The following SLIT3 variants were observed in gnomAD, a reference collection of about 807,000 sequenced individuals.
SLIT3 encodes slit guidance ligand 3.
In SLIT3, 68 loss-of-function variants were observed where a neutral mutation model predicts 184.0. The ratio of observed to expected loss-of-function variants is 0.37; its 90% CI spans 0.30 to 0.45. The LOEUF (loss-of-function observed/expected upper bound fraction) is 0.45, where lower values mean the gene tolerates loss of function less well. Among genes scored for constraint, SLIT3 ranks in the 20% least tolerant of loss-of-function variants. The probability of loss-of-function intolerance (pLI) is 1.00; values close to 1 mark genes in which losing one functional copy is unlikely to be tolerated. For missense variants in SLIT3, 1,707 were observed against 2,026.0 expected (o/e 0.84, Z 3.02); for synonymous variants, 831 against 828.6 (o/e 1.00, Z -0.05).
At chr5:168,996,778 T>C (rs899399741) in intron 4 of SLIT3, among the ~76,000 whole-genome samples, 3 of 152,192 alleles carry the variant, frequency 2.0e-5, no homozygotes, top group Admixed American at 2.0e-4. Context: ...GTGGTGCTCC[T>C]GACGGTGAGG....
chr5:169,214,286 G>A (rs73805029), intron 3 of SLIT3, among the ~76,000 whole-genome samples: 149 of 152,374 alleles, frequency 9.8e-4, no homozygotes, highest in African/African-American at 3.5e-3. Flanking sequence ...CCCATGCAGA[G>A]TTTGCTCTAA....
intron 4 of SLIT3, among the ~76,000 whole-genome samples, chr5:169,021,247 G>A (rs1581314697): frequency 1.3e-5 from 2 of 152,190 alleles, no homozygotes; most frequent in South Asian, 2.1e-4. Flanking sequence ...TCTGTCAGAG[G>A]TGCCTCAGTA....
intron 1 of SLIT3, among the ~76,000 whole-genome samples, chr5:169,257,919 A>G (rs771855238): frequency 2.0e-5 from 3 of 152,124 alleles, no homozygotes; most frequent in Non-Finnish European, 4.4e-5. Flanking sequence ...ACTTCAACGA[A>G]TTAAAATGCT....
chr5:168,799,716 A>C (rs1468664380), intron 9 of SLIT3, among the ~76,000 whole-genome samples: 2 of 152,170 alleles, frequency 1.3e-5, no homozygotes, highest in Admixed American at 1.3e-4. Context: ...TGATAATATG[A>C]ACATTTACCA....
intron 12 of SLIT3, among the ~76,000 whole-genome samples, chr5:168,776,014 AG>A (rs938808337): frequency 1.3e-5 from 2 of 152,218 alleles, no homozygotes; most frequent in African/African-American, 4.8e-5. Context: ...AACTGGGGGA[AG>A]GGGAAAATAA....
At chr5:169,060,862 AT>A (rs1694785056) in intron 4 of SLIT3, among the ~76,000 whole-genome samples, 1 of 152,198 alleles carries the variant, frequency 6.6e-6, no homozygotes, top group Non-Finnish European at 1.5e-5. Flanking sequence ...TGGGAAAATC[AT>A]GGCCCCTCTA....
chr5:168,718,343 A>G (rs1008809210), intron 23 of SLIT3, among the ~76,000 whole-genome samples: 1 of 152,054 alleles, frequency 6.6e-6, no homozygotes, highest in Admixed American at 6.5e-5. Context: ...AGCTAAAGAT[A>G]CTGAGGATGG....
At chr5:169,116,364 T>C (rs1760662444) in intron 4 of SLIT3, among the ~76,000 whole-genome samples, 1 of 151,960 alleles carries the variant, frequency 6.6e-6, no homozygotes, top group Non-Finnish European at 1.5e-5. Flanking sequence ...GATCATACTG[T>C]GTAGGGATGC....
chr5:169,239,191 A>G (rs756794700), intron 3 of SLIT3, among the ~76,000 whole-genome samples: 8 of 152,182 alleles, frequency 5.3e-5, no homozygotes, highest in Non-Finnish European at 1.2e-4. Flanking sequence ...TGAATAAGCT[A>G]AATTTGGTTG....
intron 4 of SLIT3, among the ~76,000 whole-genome samples, chr5:168,894,295 T>A (rs1227774669): frequency 3.3e-5 from 5 of 152,232 alleles, no homozygotes; most frequent in African/African-American, 9.6e-5. Flanking sequence ...GACTAAATTA[T>A]TAGCTTCGTG....
intron 4 of SLIT3, among the ~76,000 whole-genome samples, chr5:168,885,858 T>C (rs1304558251): frequency 6.6e-6 from 1 of 152,132 alleles, no homozygotes; most frequent in Non-Finnish European, 1.5e-5. Context: ...CGTACAAAGG[T>C]TCTGATTTGC....
intron 4 of SLIT3, among the ~76,000 whole-genome samples, chr5:169,104,550 G>A (rs534394807): frequency 6.6e-6 from 1 of 152,276 alleles, no homozygotes; most frequent in South Asian, 2.1e-4. Context: ...ATGAACTTTG[G>A]GTCAACAAAT....
chr5:169,211,567 T>C (rs970559794), intron 3 of SLIT3, among the ~76,000 whole-genome samples: 5 of 152,202 alleles, frequency 3.3e-5, no homozygotes, highest in African/African-American at 7.2e-5. Context: ...CTGCTACTCC[T>C]GGAACACATT....
chr5:168,738,114 T>C (rs1412082897), intron 20 of SLIT3, among the ~76,000 whole-genome samples: 2 of 152,238 alleles, frequency 1.3e-5, no homozygotes, highest in African/African-American at 2.4e-5. Flanking sequence ...GTGTCATCCA[T>C]AGACCCCGGG....
At chr5:168,888,738 A>C (rs1760322805) in intron 4 of SLIT3, among the ~76,000 whole-genome samples, 1 of 152,204 alleles carries the variant, frequency 6.6e-6, no homozygotes, top group African/African-American at 2.4e-5. Flanking sequence ...ACTCTTGATT[A>C]GTTAGGCTAA....
chr5:169,119,185 C>G lies in SLIT3; in HGVS notation c.413+74294G>C, dbSNP rs146771183. ...AAAGACTCTGACCCAGAGCAAAAGT[C>G]TTGGAGTTCCACCAAAACAGACTTC... On this transcript the variant is annotated intron_variant, in intron 4 of 35. Transcript: ENST00000519560. Among the ~76,000 whole-genome samples, 474 of 152,330 alleles carry G rather than the reference C, an allele frequency of 3.1e-3. 2 individuals are homozygous for G. The highest frequency in any genetic ancestry group is 0.011 in the African/African-American group (449 of 41,580).
chr5:168,715,498 G>A (rs1762695269), intron 23 of SLIT3, among the ~76,000 whole-genome samples: 1 of 152,072 alleles, frequency 6.6e-6, no homozygotes, highest in Non-Finnish European at 1.5e-5. Flanking sequence ...AGACACTTCT[G>A]GGGCTCTCTC....
intron 4 of SLIT3, among the ~76,000 whole-genome samples, chr5:169,143,653 T>C (rs1475600843): frequency 6.6e-6 from 1 of 151,962 alleles, no homozygotes; most frequent in Non-Finnish European, 1.5e-5. Context: ...TACAAAAAAT[T>C]AGTCGGGCAT....
chr5:168,856,766 CGTGTGT>C (rs372608852), intron 5 of SLIT3, among the ~76,000 whole-genome samples: 2,417 of 132,922 alleles, frequency 0.018, 57 homozygotes, highest in African/African-American at 0.056. Context: ...CTGAGTTCCT[CGTGTGT>C]GTGTGTGTGT....
Sources: gnomAD v4.1 joint callset for allele counts (sites outside exome capture counted in the v4.1 genomes callset) on GRCh38, gnomAD v4.1.1 for gene constraint, MANE v1.5 for transcripts, NCBI Gene and HGNC (gene_info 2026-07-23, HGNC 2026-07-21) for gene names.